Variants in IL1RAPL1 observed in about 807,000 individuals in gnomAD.
IL1RAPL1 encodes interleukin 1 receptor accessory protein like 1, also known as interleukin-1 receptor accessory protein-like 1.
In IL1RAPL1, 3 loss-of-function variants were observed where a neutral mutation model predicts 48.4. The observed-to-expected ratio is 0.06, with a 90% confidence interval of 0.03 to 0.16. The LOEUF is 0.16. Among genes scored for constraint, IL1RAPL1 ranks in the 10% least tolerant of loss-of-function variants. The pLI is 1.00. For synonymous variants in IL1RAPL1, 185 were observed against 187.7 expected (o/e 0.99, Z 0.12); for missense variants, 349 against 530.6 (o/e 0.66, Z 3.36).
intron 2 of IL1RAPL1, among the ~76,000 whole-genome samples, chrX:29,095,978 A>G (rs1187489505): frequency 9.0e-6 from 1 of 111,473 alleles, no homozygotes; most frequent in Admixed American, 9.5e-5. Flanking sequence ...TGCTCATACC[A>G]CTTTAAAATG....
At chrX:29,829,984 A>G (rs1331090842) in intron 6 of IL1RAPL1, among the ~76,000 whole-genome samples, 3 of 112,373 alleles carry the variant, frequency 2.7e-5, no homozygotes, top group African/African-American at 6.5e-5. Context: ...TGAGATTCAT[A>G]TGTAGAAAAT....
intron 3 of IL1RAPL1, among the ~76,000 whole-genome samples, chrX:29,354,754 TTA>T (rs1933279706): frequency 8.9e-6 from 1 of 112,504 alleles, no homozygotes; most frequent in Non-Finnish European, 1.9e-5. Flanking sequence ...GATTATTTGT[TTA>T]TATATCTTGT....
chrX:29,323,380 T>C (rs1256981752), intron 3 of IL1RAPL1, among the ~76,000 whole-genome samples: 1 of 109,079 alleles, frequency 9.2e-6, no homozygotes, highest in East Asian at 2.9e-4. Flanking sequence ...AGTGAACATG[T>C]GCTAGTTTTT....
At chrX:29,334,201 GACCCCCCCACCTCCCTCCC>G in intron 3 of IL1RAPL1, among the ~76,000 whole-genome samples, 1 of 71,812 alleles carries the variant, frequency 1.4e-5, no homozygotes, top group Non-Finnish European at 2.7e-5. Context: ...GCGGGGGGCT[GACCCCCCCACCTCCCTCCC>G]GGACGGGGCG....
chrX:28,753,545 G>A lies in IL1RAPL1; in HGVS notation c.-24-35775G>A, dbSNP rs189098775. Reference sequence around the variant, plus strand: ...AACATCTGATTTTTAATAATGCATCGTATAATCTTGATTCTCACATGCTTC... The same window carrying A: ...AACATCTGATTTTTAATAATGCATCATATAATCTTGATTCTCACATGCTTC... On this transcript the variant is annotated intron_variant, in intron 1 of 10. Transcript: ENST00000378993. 7.1e-5 allele frequency among the ~76,000 whole-genome samples: 8 copies of A among 112,090 alleles called. No individual in the cohort carries two copies. In the East Asian group the frequency reaches 1.1e-3, roughly 16 times the overall value.
intron 1 of IL1RAPL1, among the ~76,000 whole-genome samples, chrX:28,637,507 A>G: frequency 8.9e-6 from 1 of 111,987 alleles, no homozygotes; most frequent in Non-Finnish European, 1.9e-5. Context: ...CAAAGGGCAC[A>G]GGAAAAGGTA....
At chrX:28,768,864 A>G (rs1936280994) in intron 1 of IL1RAPL1, among the ~76,000 whole-genome samples, 1 of 97,289 alleles carries the variant, frequency 1.0e-5, no homozygotes, top group Admixed American at 1.2e-4. Flanking sequence ...CAGTCTAACT[A>G]TAAGAGCTAT....
intron 5 of IL1RAPL1, among the ~76,000 whole-genome samples, chrX:29,514,320 C>T (rs1353375356): frequency 8.9e-6 from 1 of 112,203 alleles, no homozygotes; most frequent in Non-Finnish European, 1.9e-5. Context: ...TCACACGTTC[C>T]TCAGACTTTG....
intron 2 of IL1RAPL1, among the ~76,000 whole-genome samples, chrX:29,251,099 AC>A (rs1306373851): frequency 9.6e-5 from 11 of 114,199 alleles, no homozygotes; most frequent in African/African-American, 3.5e-4. Flanking sequence ...GGACTTTATT[AC>A]CCCTGTTTTG....
intron 2 of IL1RAPL1, among the ~76,000 whole-genome samples, chrX:28,843,913 T>C (rs1921440552): frequency 9.1e-6 from 1 of 110,394 alleles, no homozygotes; most frequent in African/African-American, 3.3e-5. Flanking sequence ...GCAGTGTGTA[T>C]TGGGAGTTTG....
At chrX:28,687,373 A>T (rs775282767) in intron 1 of IL1RAPL1, among the ~76,000 whole-genome samples, 1 of 112,111 alleles carries the variant, frequency 8.9e-6, no homozygotes, top group Non-Finnish European at 1.9e-5. Context: ...AGCTTTCCTT[A>T]TTTATTTGAA....
rs201299964 is a variant in IL1RAPL1 at position 29,080,994 on chromosome X, T to TTC, written c.83-201918_83-201917dup. On this transcript the variant is annotated intron_variant, in intron 2 of 10. Coordinates refer to ENST00000378993, the MANE Select transcript of IL1RAPL1 (RefSeq NM_014271.4). ...TTTCTTTCTTTCTTTCTTTCTTTCTTTCTCTCTCTCTCTCTCTCTCTCTCT... is the reference window on the plus strand; with the variant it reads ...TTTCTTTCTTTCTTTCTTTCTTTCTTTCTCTCTCTCTCTCTCTCTCTCTCTCT... Among the ~76,000 whole-genome samples the TTC allele has an allele frequency of 5.0e-3, 133 of 26,417 alleles. 7 individuals are homozygous for TTC. The highest frequency in any genetic ancestry group is 6.2e-3 in the South Asian group (2 of 323). The allele number at this position is 26,417 out of a possible 115,157, so 22.9% of individuals were successfully genotyped here.
chrX:29,885,173 G>A (rs1197884204), intron 6 of IL1RAPL1, among the ~76,000 whole-genome samples: 3 of 111,633 alleles, frequency 2.7e-5, no homozygotes, highest in Non-Finnish European at 5.6e-5. Flanking sequence ...TGCAATGAAT[G>A]CCTGCAATAA....
intron 6 of IL1RAPL1, among the ~76,000 whole-genome samples, chrX:29,755,348 C>T (rs1031388015): frequency 1.8e-5 from 2 of 111,620 alleles, no homozygotes; most frequent in African/African-American, 6.5e-5. Context: ...ATTTCAGAAT[C>T]GACCACACCC....
intron 2 of IL1RAPL1, among the ~76,000 whole-genome samples, chrX:29,084,033 C>T (rs1330468595): frequency 1.8e-5 from 2 of 111,252 alleles, no homozygotes; most frequent in Non-Finnish European, 1.9e-5. Context: ...AAGGGATGGG[C>T]GCATCACTGA....
At chrX:28,774,102 G>A (rs1340522562) in intron 1 of IL1RAPL1, among the ~76,000 whole-genome samples, 1 of 110,428 alleles carries the variant, frequency 9.1e-6, no homozygotes, top group Non-Finnish European at 1.9e-5. Flanking sequence ...TCTTTTTTTC[G>A]ATTTGTTCTC....
At chrX:29,948,209 G>GT (rs1933248903) in intron 9 of IL1RAPL1, among the ~76,000 whole-genome samples, 1 of 110,962 alleles carries the variant, frequency 9.0e-6, no homozygotes, top group Non-Finnish European at 1.9e-5. Context: ...GCTTCTGGGT[G>GT]TTTTTTTCAC....
intron 6 of IL1RAPL1, among the ~76,000 whole-genome samples, chrX:29,718,643 A>G (rs1312078030): frequency 9.2e-6 from 1 of 108,288 alleles, no homozygotes; most frequent in East Asian, 2.9e-4. Flanking sequence ...TCAGCTGGAG[A>G]CATGCTTCAG....
chrX:28,888,848 A>T (rs761205617), intron 2 of IL1RAPL1, among the ~76,000 whole-genome samples: 7 of 110,708 alleles, frequency 6.3e-5, no homozygotes, highest in Admixed American at 9.7e-5. Context: ...GGTGGTCATT[A>T]TGATATCATT....
Sources: gnomAD v4.1 joint callset for allele counts (sites outside exome capture counted in the v4.1 genomes callset) on GRCh38, gnomAD v4.1.1 for gene constraint, MANE v1.5 for transcripts, NCBI Gene and HGNC (gene_info 2026-07-23, HGNC 2026-07-21) for gene names.